The following NXPH1 variants were observed in gnomAD, a reference collection of about 807,000 sequenced individuals.
The protein encoded by NXPH1 is neurexophilin 1.
Under a neutral mutation model 23.7 loss-of-function variants are expected in NXPH1, and 5 were observed. The observed-to-expected ratio is 0.21, with a 90% CI of 0.11 to 0.44. The LOEUF (loss-of-function observed/expected upper bound fraction) is 0.44. NXPH1 is among the 20% of genes least tolerant of loss of function. The probability of loss-of-function intolerance (pLI) is 0.99; values close to 1 mark genes in which losing one functional copy is unlikely to be tolerated. For synonymous variants in NXPH1, 144 were observed against 122.2 expected (o/e 1.18, Z -1.18); for missense variants, 324 against 321.6 (o/e 1.01, Z -0.06).
chr7:8,513,960 GC>G (rs1817651634), intron 2 of NXPH1, among the ~76,000 whole-genome samples: 1 of 152,028 alleles, frequency 6.6e-6, no homozygotes, highest in African/African-American at 2.4e-5. Context: ...TCTGCTCCAG[GC>G]CTCTCTCCTT....
intron 2 of NXPH1, among the ~76,000 whole-genome samples, chr7:8,470,145 A>G (rs1321795887): frequency 1.3e-5 from 2 of 152,184 alleles, no homozygotes; most frequent in Non-Finnish European, 2.9e-5. Context: ...TAGCTTAAGC[A>G]TCTAGAGTTG....
intron 2 of NXPH1, among the ~76,000 whole-genome samples, chr7:8,636,986 A>T (rs1218199313): frequency 6.6e-6 from 1 of 152,122 alleles, no homozygotes; most frequent in Non-Finnish European, 1.5e-5. Context: ...ACCATAACCT[A>T]CTTTAAGCAG....
chr7:8,640,458 A>G (rs1309289537), intron 2 of NXPH1, among the ~76,000 whole-genome samples: 1 of 151,390 alleles, frequency 6.6e-6, no homozygotes, highest in Non-Finnish European at 1.5e-5. Flanking sequence ...TTTTAAATTC[A>G]TTTTGCTTGC....
chr7:8,666,830 A>T (rs1429101545), intron 2 of NXPH1, among the ~76,000 whole-genome samples: 1 of 152,066 alleles, frequency 6.6e-6, no homozygotes, highest in Non-Finnish European at 1.5e-5. Context: ...TGCTCATAAT[A>T]GTCTCTTATG....
chr7:8,472,411 A>G (rs1816884772), intron 2 of NXPH1, among the ~76,000 whole-genome samples: 1 of 152,162 alleles, frequency 6.6e-6, no homozygotes. Flanking sequence ...GGAGATAACA[A>G]CATTGCCATT....
At chr7:8,653,586 A>C (rs1394836845) in intron 2 of NXPH1, among the ~76,000 whole-genome samples, 1 of 152,110 alleles carries the variant, frequency 6.6e-6, no homozygotes, top group Non-Finnish European at 1.5e-5. Flanking sequence ...TACCTTTTTC[A>C]ATTATGGTAA....
At chr7:8,626,588 T>G (rs1819994786) in intron 2 of NXPH1, among the ~76,000 whole-genome samples, 2 of 152,086 alleles carry the variant, frequency 1.3e-5, no homozygotes, top group Admixed American at 1.3e-4. Context: ...TAGCACACTT[T>G]GCTAGTACTT....
intron 2 of NXPH1, among the ~76,000 whole-genome samples, chr7:8,617,626 A>G (rs1207195333): frequency 3.3e-5 from 5 of 152,258 alleles, no homozygotes; most frequent in South Asian, 2.1e-4. Flanking sequence ...ACTAGTGGAC[A>G]TAGAGAGTAG....
chr7:8,739,171 T>TAAAAAAAAAA (rs34593997), intron 2 of NXPH1, among the ~76,000 whole-genome samples: 15 of 54,044 alleles, frequency 2.8e-4, no homozygotes, highest in African/African-American at 6.1e-4. Context: ...ACCAGTGGGG[T>TAAAAAAAAAA]AAAAAAAAAA....
intron 2 of NXPH1, among the ~76,000 whole-genome samples, chr7:8,586,560 A>G (rs1818985388): frequency 1.3e-5 from 2 of 151,720 alleles, no homozygotes; most frequent in South Asian, 4.2e-4. Context: ...CCAAGGTAGA[A>G]AGGGGATTAA....
intron 2 of NXPH1, among the ~76,000 whole-genome samples, chr7:8,513,284 G>T (rs577423140): frequency 6.6e-6 from 1 of 152,022 alleles, no homozygotes; most frequent in South Asian, 2.1e-4. Context: ...AGAATGAAGG[G>T]ATATCACAGA....
chr7:8,476,636 G>C (rs745778913), intron 2 of NXPH1, among the ~76,000 whole-genome samples: 4 of 151,808 alleles, frequency 2.6e-5, no homozygotes, highest in African/African-American at 4.8e-5. Context: ...TAAATGCAAT[G>C]CTATACATTA....
chr7:8,520,200 C>T (rs1817747438), intron 2 of NXPH1, among the ~76,000 whole-genome samples: 1 of 152,160 alleles, frequency 6.6e-6, no homozygotes, highest in African/African-American at 2.4e-5. Flanking sequence ...CTCAGAAAAT[C>T]CATTGCCGCT....
intron 2 of NXPH1, among the ~76,000 whole-genome samples, chr7:8,660,642 T>G (rs1425759680): frequency 6.6e-6 from 1 of 152,210 alleles, no homozygotes; most frequent in Non-Finnish European, 1.5e-5. Context: ...TCACTGAAAC[T>G]GAAATCCTTT....
intron 2 of NXPH1, among the ~76,000 whole-genome samples, chr7:8,699,286 A>G (rs147123115): frequency 5.0e-4 from 76 of 152,240 alleles, no homozygotes; most frequent in African/African-American, 1.8e-3. Flanking sequence ...ATGCTTCAGG[A>G]CTATCACAAT....
At chr7:8,482,330 ACATC>A (rs372194494) in intron 2 of NXPH1, among the ~76,000 whole-genome samples, 301 of 152,190 alleles carry the variant, frequency 2.0e-3, no homozygotes, top group African/African-American at 6.2e-3. Flanking sequence ...TCCCTTTCTA[ACATC>A]CATTTCCCAC....
chr7:8,659,380 T>C (rs1396543339), intron 2 of NXPH1, among the ~76,000 whole-genome samples: 1 of 152,208 alleles, frequency 6.6e-6, no homozygotes, highest in Non-Finnish European at 1.5e-5. Flanking sequence ...TTCTTTGCGA[T>C]GTGTTCAAAC....
intron 2 of NXPH1, among the ~76,000 whole-genome samples, chr7:8,627,182 T>G (rs1304247754): frequency 6.6e-6 from 1 of 152,108 alleles, no homozygotes; most frequent in African/African-American, 2.4e-5. Context: ...TAGTGGCCAT[T>G]TTTATGTATA....
chr7:8,676,982 G>C (rs1174561453), intron 2 of NXPH1, among the ~76,000 whole-genome samples: 1 of 152,160 alleles, frequency 6.6e-6, no homozygotes, highest in Non-Finnish European at 1.5e-5. Context: ...AGCAAATACT[G>C]GGTCTCTATG....
Sources: allele counts gnomAD v4.1 joint callset (sites outside exome capture counted in the v4.1 genomes callset), GRCh38; gene constraint gnomAD v4.1.1; transcripts MANE v1.5; gene names NCBI Gene and HGNC (gene_info 2026-07-23, HGNC 2026-07-21).